The following FHL1 variants were observed in gnomAD, a reference collection of about 807,000 sequenced individuals.
FHL1 encodes the protein four and a half LIM domains protein 1.
In FHL1, 1 loss-of-function variant was observed where a neutral mutation model predicts 20.3. The observed-to-expected ratio is 0.05, with a 90% CI of 0.02 to 0.23. FHL1 has a LOEUF of 0.23. Ranked by LOEUF, FHL1 falls within the 10% of genes least tolerant of loss-of-function variation. The pLI, the probability that FHL1 is intolerant of heterozygous loss-of-function variation, is 1.00. For missense variants in FHL1, 177 were observed against 234.0 expected (o/e 0.76, Z 1.59); for synonymous variants, 82 against 88.9 (o/e 0.92, Z 0.44).
chrX:136,167,524 C>T (rs1312264884), upstream of FHL1, among the ~76,000 whole-genome samples: 1 of 111,234 alleles, frequency 9.0e-6, no homozygotes, highest in African/African-American at 3.3e-5. Context: ...CATTTCTTTG[C>T]CCCTGCCACC....
In FHL1 at chrX:136,210,315, T is replaced by G; in HGVS notation, c.*290T>G. 2.3e-6 allele frequency: 1 copy of G among 435,400 alleles called. No homozygotes were observed. Among genetic ancestry groups the G allele is most frequent in the African/African-American group, 2.4e-5 (1 of 42,078 alleles). The allele number at this position is 435,400 out of a possible 1,213,427, so 35.9% of individuals were successfully genotyped here. Reference sequence around the variant, plus strand: ...GCATGTTTCTCATAGAGCAGAAAAGTGCTAATCATTTAGCCACTTAGTGAT... The same window carrying G: ...GCATGTTTCTCATAGAGCAGAAAAGGGCTAATCATTTAGCCACTTAGTGAT... On this transcript the variant is annotated 3_prime_UTR_variant, in exon 6 of 6. Transcript: ENST00000370683.
At chrX:136,161,877 C>G (rs1424077383) in intron 1 of FHL1, among the ~76,000 whole-genome samples, 1 of 111,550 alleles carries the variant, frequency 9.0e-6, no homozygotes, top group Non-Finnish European at 1.9e-5. Context: ...AATCCCAGCA[C>G]TTTGGGAGGC....
At chrX:136,170,351 GAGA>G (rs1466076249) in intron 2 of FHL1, among the ~76,000 whole-genome samples, 3 of 111,604 alleles carry the variant, frequency 2.7e-5, no homozygotes, top group African/African-American at 6.5e-5. Context: ...TGCCAGCCAC[GAGA>G]AGGTTAGGCT....
At chrX:136,173,125 T>C (rs917087487) in intron 2 of FHL1, among the ~76,000 whole-genome samples, 6 of 112,630 alleles carry the variant, frequency 5.3e-5, no homozygotes, top group African/African-American at 1.9e-4. Context: ...ATTATTCCAT[T>C]TGGCTGCCTT....
chrX:136,148,954 A>C (rs2072188797), intron 1 of FHL1, among the ~76,000 whole-genome samples: 1 of 112,179 alleles, frequency 8.9e-6, no homozygotes, highest in African/African-American at 3.2e-5. Flanking sequence ...TATTCATTTA[A>C]ATTATCCCTT....
At position 136,209,983 on chromosome X, in the gene FHL1, C is replaced by T. The variant is rs1488657229; in HGVS notation, c.849C>T (p.His283=). Residue 283 remains histidine (H), a synonymous_variant, in exon 6 of 6, where the codon CAC becomes CAT. Coordinates refer to ENST00000370683, the MANE Select transcript of FHL1 (RefSeq NM_001159699.2). ...VNLANKRFVF[H]QEQVYCPDCA... ...TGGCCAACAAGCGCTTTGTTTTCCA[C>T]CAGGAGCAAGTGTATTGTCCCGACT... The T allele has an allele frequency of 8.3e-7, 1 of 1,209,018 alleles. No homozygotes were observed. The highest frequency in any genetic ancestry group is 1.1e-6 in the Non-Finnish European group (1 of 895,060).
intron 1 of FHL1, among the ~76,000 whole-genome samples, chrX:136,162,360 C>CGAGA (rs1396482691): frequency 9.0e-6 from 1 of 111,077 alleles, no homozygotes. Flanking sequence ...GGCAAATGAA[C>CGAGA]GAGATCATCT....
At chrX:136,186,866 ATATATAT>A (rs1267006067) in intron 2 of FHL1, among the ~76,000 whole-genome samples, 1 of 70,244 alleles carries the variant, frequency 1.4e-5, no homozygotes, top group Non-Finnish European at 2.8e-5. Flanking sequence ...AAAAAAAAAA[ATATATAT>A]ATATATATAG....
At position 136,200,304 on chromosome X, in the gene FHL1, A is replaced by G. The variant is rs766327503; in HGVS notation, c.22+3170A>G. Among the ~76,000 whole-genome samples the G allele has an allele frequency of 2.7e-5, 3 of 112,291 alleles. No homozygotes were observed. The Admixed American group carries it at 2.8e-4, about 11-fold the overall frequency. On this transcript the variant is annotated intron_variant, in intron 1 of 5. Transcript: ENST00000370683. ...GCTTTCTGTCTTAGAAAATCAGGGG[A>G]CATTTATGTGGACCTAAGGTGTAGG... is the stretch of plus-strand genomic sequence containing the variant.
At chrX:136,147,342 C>CGCGCGCGCGG (rs1189165118), upstream of FHL1, 1 of 101,431 alleles carries the variant, frequency 9.9e-6, no homozygotes, top group African/African-American at 3.5e-5. Context: ...CTCCCGCGCG[C>CGCGCGCGCGG]GCGCCCCGCA....
intron 2 of FHL1, among the ~76,000 whole-genome samples, chrX:136,188,649 T>C (rs180763339): frequency 1.8e-5 from 2 of 111,013 alleles, no homozygotes; most frequent in East Asian, 5.7e-4. Context: ...CATACGGCAA[T>C]GGTCTGTCTA....
intron 2 of FHL1, among the ~76,000 whole-genome samples, chrX:136,206,798 AGCTCTTTTGATTGCAT>A (rs2073852751): frequency 2.6e-5 from 3 of 113,319 alleles, no homozygotes; most frequent in South Asian, 7.2e-4. Context: ...CGCCCTTGCC[AGCTCTTTTGATTGCAT>A]TCTAAATATT....
intron 5 of FHL1, chrX:136,209,140 G>A: frequency 1.3e-6 from 1 of 750,532 alleles, no homozygotes; most frequent in Admixed American, 3.5e-5. Context: ...CTCATCTCGC[G>A]GCCGCGATCC....
intron 2 of FHL1, chrX:136,182,762 T>G (rs2148325716): frequency 8.9e-6 from 1 of 112,417 alleles, no homozygotes; most frequent in South Asian, 3.6e-4. Context: ...AAATTTCTGC[T>G]GTGTTCTCAA....
rs2073996592 is a variant in FHL1 at position 136,210,922 on chromosome X, CG to C, written c.*899del. The C allele has an allele frequency of 2.6e-6, 1 of 381,925 alleles. No homozygotes were observed. Among genetic ancestry groups the C allele is most frequent in the African/African-American group, 2.5e-5 (1 of 40,371 alleles). The allele number at this position is 381,925 out of a possible 1,213,427, so 31.5% of individuals were successfully genotyped here. On this transcript the variant is annotated 3_prime_UTR_variant, in exon 6 of 6. Coordinates refer to ENST00000370683, the MANE Select transcript of FHL1 (RefSeq NM_001159699.2). ...TCCTGCAGTGCTGAAATTCATCCTA[CG>C]GAAGTAACCGCAAAACTCTAGAGGG...
intron 1 of FHL1, chrX:136,148,157 T>A (rs370643014): frequency 2.0e-5 from 2 of 98,211 alleles, no homozygotes; most frequent in South Asian, 1.1e-3. Flanking sequence ...GTGGGTCGAC[T>A]CCCTTGGTTT....
chrX:136,185,729 T>C (rs2073270517), intron 2 of FHL1, among the ~76,000 whole-genome samples: 1 of 112,107 alleles, frequency 8.9e-6, no homozygotes, highest in South Asian at 3.7e-4. Context: ...TCCTCTACTT[T>C]TAGGAAAAAA....
chrX:136,190,216 G>A (rs943311902), intron 2 of FHL1, among the ~76,000 whole-genome samples: 3 of 111,553 alleles, frequency 2.7e-5, no homozygotes, highest in Non-Finnish European at 3.8e-5. Flanking sequence ...CTCTCCTTGC[G>A]TTCTCCTTTC....
upstream of FHL1, chrX:136,147,132 C>T (rs1234497117): frequency 9.7e-6 from 2 of 206,274 alleles, no homozygotes; most frequent in African/African-American, 5.9e-5. Context: ...CTAAGGACCG[C>T]TGCGCGAGGG....
Sources: allele counts gnomAD v4.1 joint callset (sites outside exome capture counted in the v4.1 genomes callset), GRCh38; gene constraint gnomAD v4.1.1; transcripts MANE v1.5; gene names NCBI Gene and HGNC (gene_info 2026-07-23, HGNC 2026-07-21).